AMMECR1: variants seen among roughly 807,000 people sequenced by gnomAD.
AMMECR1 encodes nuclear protein AMMECR1.
Under a neutral mutation model 22.5 loss-of-function variants are expected in AMMECR1, and 3 were observed. That is an observed-to-expected ratio of 0.13 (90% CI 0.06 to 0.35). AMMECR1 has a LOEUF of 0.35. Among genes scored for constraint, AMMECR1 ranks in the 10% least tolerant of loss-of-function variants. The pLI is 1.00. For synonymous variants in AMMECR1, 130 were observed against 116.7 expected (o/e 1.11, Z -0.74); for missense variants, 235 against 278.7 (o/e 0.84, Z 1.12).
At position 110,436,715 on chromosome X, in the gene AMMECR1, G is replaced by A. The variant is rs538961740; in HGVS notation, c.-294+3175C>T. On this transcript the variant is annotated intron_variant, in intron 1 of 7. Coordinates refer to the AMMECR1 transcript ENST00000372057. Reference sequence around the variant, plus strand: ...GGATGGGGAGGGACAGAGAGAGAAAGCTATGGAAAGCCTCTGGAAGCCTTA... The same window carrying A: ...GGATGGGGAGGGACAGAGAGAGAAAACTATGGAAAGCCTCTGGAAGCCTTA... Among the ~76,000 whole-genome samples, 3 of 111,911 alleles carry A rather than the reference G, an allele frequency of 2.7e-5. No individual in the cohort carries two copies. In the South Asian group the frequency reaches 1.1e-3, roughly 42 times the overall value.
chrX:110,200,725 C>T (rs2067392974), intron 5 of AMMECR1, among the ~76,000 whole-genome samples: 1 of 111,977 alleles, frequency 8.9e-6, no homozygotes, highest in Non-Finnish European at 1.9e-5. Context: ...GTACAAAAGC[C>T]AGAGTAATCA....
intron 1 of AMMECR1, among the ~76,000 whole-genome samples, chrX:110,289,824 G>A (rs1156972596): frequency 1.8e-5 from 2 of 111,747 alleles, no homozygotes; most frequent in African/African-American, 3.3e-5. Context: ...TCATGAAAAC[G>A]CTCAAGAAAA....
At chrX:110,236,666 G>A (rs1392129616) in intron 2 of AMMECR1, among the ~76,000 whole-genome samples, 1 of 112,010 alleles carries the variant, frequency 8.9e-6, no homozygotes, top group Non-Finnish European at 1.9e-5. Context: ...AATGAATGAA[G>A]GAATATAGGA....
At chrX:110,237,786 G>A (rs2067609292) in intron 2 of AMMECR1, among the ~76,000 whole-genome samples, 1 of 111,787 alleles carries the variant, frequency 8.9e-6, no homozygotes, top group Admixed American at 9.5e-5. Context: ...AATGCTTTCT[G>A]CAGACTTAAC....
chrX:110,379,073 C>A (rs763778948), intron 2 of AMMECR1, among the ~76,000 whole-genome samples: 1 of 112,076 alleles, frequency 8.9e-6, no homozygotes, highest in African/African-American at 3.2e-5. Context: ...AGTTTGGAGA[C>A]CTTTCCCTGA....
At chrX:110,231,266 G>C (rs758316696) in intron 2 of AMMECR1, among the ~76,000 whole-genome samples, 11 of 112,068 alleles carry the variant, frequency 9.8e-5, no homozygotes, top group African/African-American at 3.6e-4. Context: ...AAAGTGTTAA[G>C]GGCAGCCAGA....
At chrX:110,232,185 C>T (rs1384013379) in intron 2 of AMMECR1, among the ~76,000 whole-genome samples, 1 of 111,808 alleles carries the variant, frequency 8.9e-6, no homozygotes, top group African/African-American at 3.3e-5. Context: ...ATCTACAGGA[C>T]TCTCCACCCC....
intron 1 of AMMECR1, among the ~76,000 whole-genome samples, chrX:110,429,666 G>C (rs775101678): frequency 1.6e-4 from 18 of 109,521 alleles, no homozygotes; most frequent in Non-Finnish European, 2.8e-4. Flanking sequence ...ATTTTTAGTA[G>C]AGATGGGGTT....
chrX:110,333,911 C>T (rs1246367689), intron 2 of AMMECR1, among the ~76,000 whole-genome samples: 5 of 110,381 alleles, frequency 4.5e-5, no homozygotes, highest in Non-Finnish European at 9.5e-5. Context: ...ACCACCATGG[C>T]ACGTGTCTAC....
chrX:110,251,031 G>T (rs753023511), intron 2 of AMMECR1, among the ~76,000 whole-genome samples: 4 of 111,972 alleles, frequency 3.6e-5, no homozygotes, highest in Non-Finnish European at 5.6e-5. Flanking sequence ...AACTCTTACT[G>T]GCTCAAGTAT....
rs775605611 is a variant in AMMECR1, at chrX:110,351,635, C to T, written c.-147-33786G>A. 1.1e-3 allele frequency among the ~76,000 whole-genome samples: 123 copies of T among 111,430 alleles called. 1 individual carries two copies. The highest frequency in any genetic ancestry group is 3.5e-3 in the African/African-American group (106 of 30,695). On this transcript the variant is annotated intron_variant, in intron 2 of 7. Transcript: ENST00000372057. ...AAATGTAAGGGCTAAAATTATAGCACTATTAAAAGGAAACATAGATGTAAA... is the reference window on the plus strand; with the variant it reads ...AAATGTAAGGGCTAAAATTATAGCATTATTAAAAGGAAACATAGATGTAAA...
chrX:110,356,457 T>C (rs1424797770), intron 2 of AMMECR1, among the ~76,000 whole-genome samples: 1 of 110,836 alleles, frequency 9.0e-6, no homozygotes, highest in African/African-American at 3.3e-5. Context: ...ACTGGCCAAC[T>C]AGAGGAATAA....
chrX:110,344,126 G>C (rs2068177516), intron 2 of AMMECR1, among the ~76,000 whole-genome samples: 1 of 111,756 alleles, frequency 8.9e-6, no homozygotes, highest in Non-Finnish European at 1.9e-5. Flanking sequence ...AAACAGCATG[G>C]TACTGGTACC....
intron 3 of AMMECR1, among the ~76,000 whole-genome samples, chrX:110,207,611 A>G (rs1384797918): frequency 9.0e-6 from 1 of 111,477 alleles, no homozygotes; most frequent in Non-Finnish European, 1.9e-5. Flanking sequence ...GTTACTCTGC[A>G]TCACTTCAAC....
chrX:110,270,464 T>A (rs1017785711), intron 1 of AMMECR1, among the ~76,000 whole-genome samples: 1 of 110,989 alleles, frequency 9.0e-6, no homozygotes, highest in African/African-American at 3.3e-5. Context: ...ACTACTGGTA[T>A]AATATGGTTT....
intron 2 of AMMECR1, among the ~76,000 whole-genome samples, chrX:110,342,674 A>T (rs2068169656): frequency 8.9e-6 from 1 of 112,171 alleles, no homozygotes; most frequent in Non-Finnish European, 1.9e-5. Context: ...TTGGCCTAAA[A>T]TGCATTTTCT....
intron 1 of AMMECR1, among the ~76,000 whole-genome samples, chrX:110,303,469 C>A (rs750827933): frequency 3.0e-4 from 33 of 111,859 alleles, no homozygotes; most frequent in Non-Finnish European, 4.7e-4. Flanking sequence ...AGGGCATCCA[C>A]CTTTGTTAAG....
At chrX:110,292,514 G>A (rs1325055168) in intron 1 of AMMECR1, among the ~76,000 whole-genome samples, 1 of 111,775 alleles carries the variant, frequency 8.9e-6, no homozygotes, top group Non-Finnish European at 1.9e-5. Flanking sequence ...TCTAGACAAT[G>A]GAATATTACT....
intron 1 of AMMECR1, among the ~76,000 whole-genome samples, chrX:110,431,375 G>A (rs1433428506): frequency 1.3e-4 from 14 of 109,047 alleles, no homozygotes; most frequent in African/African-American, 4.4e-4. Flanking sequence ...GGATGAAGGT[G>A]GGAGGAATAC....
Sources: allele counts gnomAD v4.1 joint callset (sites outside exome capture counted in the v4.1 genomes callset), GRCh38; gene constraint gnomAD v4.1.1; transcripts MANE v1.5; gene names NCBI Gene and HGNC (gene_info 2026-07-23, HGNC 2026-07-21).